UNC79: variants seen among roughly 807,000 people sequenced by gnomAD.
The protein encoded by UNC79 is protein unc-79 homolog.
In UNC79, 37 loss-of-function variants were observed where a neutral mutation model predicts 283.1. That is an observed-to-expected ratio of 0.13 (90% CI 0.10 to 0.17). The LOEUF (loss-of-function observed/expected upper bound fraction) is 0.17, where lower values mean the gene tolerates loss of function less well. UNC79 is among the 10% of genes least tolerant of loss of function. The pLI, the probability that UNC79 is intolerant of heterozygous loss-of-function variation, is 1.00. For missense variants in UNC79, 2,272 were observed against 3,211.1 expected (o/e 0.71, Z 7.07); for synonymous variants, 1,107 against 1,200.2 (o/e 0.92, Z 1.61).
At chr14:93,379,152 T>G (rs762230780) in intron 1 of UNC79, among the ~76,000 whole-genome samples, 1 of 152,176 alleles carries the variant, frequency 6.6e-6, no homozygotes, top group Non-Finnish European at 1.5e-5. Context: ...CTCACACCTG[T>G]ACTTGGGCTT....
intron 19 of UNC79, among the ~76,000 whole-genome samples, chr14:93,580,962 A>G (rs2141747125): frequency 6.6e-6 from 1 of 150,522 alleles, no homozygotes; most frequent in East Asian, 2.0e-4. Flanking sequence ...ACCCTCCTCA[A>G]CCTCCCAAAG....
At chr14:93,538,061 A>C in exon 12 of UNC79, 1 of 1,614,220 alleles carries the variant, frequency 6.2e-7, no homozygotes, top group Non-Finnish European at 8.5e-7. Flanking sequence ...TCACGGAAAC[A>C]GGCCTGTTCG....
At chr14:93,692,728 G>A (rs1359659989) in intron 46 of UNC79, among the ~76,000 whole-genome samples, 1 of 152,216 alleles carries the variant, frequency 6.6e-6, no homozygotes, top group Non-Finnish European at 1.5e-5. Context: ...ATTGGAAAAT[G>A]TCTGGGGTAT....
At chr14:93,460,506 C>CAAA (rs33915324) in intron 1 of UNC79, among the ~76,000 whole-genome samples, 2 of 103,280 alleles carry the variant, frequency 1.9e-5, no homozygotes, top group Non-Finnish European at 4.0e-5. Context: ...CAAGACTTCT[C>CAAA]AAAAAAAAAA....
chr14:93,464,594 G>A (rs750925323), intron 1 of UNC79: 2 of 456,222 alleles, frequency 4.4e-6, no homozygotes, highest in South Asian at 3.1e-5. Context: ...ATAACAGATG[G>A]CTTTTTAAAG....
rs546391105 is a variant in UNC79, at chr14:93,360,832, T to C, written c.-351+27309T>C. Among the ~76,000 whole-genome samples the C allele has an allele frequency of 3.9e-5, 6 of 152,170 alleles. No individual in the cohort carries two copies. The South Asian group carries it at 1.0e-3, about 26-fold the overall frequency. ...CAGGGAACTTCTACCTCAGTAAAAT[T>C]TTTAGGGGTCCAGTGGTGTGGGGCC... On this transcript the variant is annotated intron_variant, in intron 1 of 49. Transcript: ENST00000256339.
At chr14:93,538,358 A>G (rs2061186881) in intron 12 of UNC79, 140 bp downstream of exon 12, 2 of 863,802 alleles carry the variant, frequency 2.3e-6, no homozygotes, top group East Asian at 5.8e-5. Flanking sequence ...TGTTGTAATG[A>G]TGCTATTTTA....
At chr14:93,406,825 A>G (rs965216733) in intron 1 of UNC79, among the ~76,000 whole-genome samples, 1 of 152,180 alleles carries the variant, frequency 6.6e-6, no homozygotes, top group East Asian at 1.9e-4. Flanking sequence ...TGAACTGCAT[A>G]TATTAGTTTC....
intron 1 of UNC79, among the ~76,000 whole-genome samples, chr14:93,466,611 C>T (rs118171345): frequency 0.011 from 1,612 of 152,330 alleles, 38 homozygotes; most frequent in Admixed American, 0.025. Flanking sequence ...AGTTAGAATG[C>T]ATCCAGGAGC....
At chr14:93,515,262 ATATG>A (rs2060001867) in intron 7 of UNC79, among the ~76,000 whole-genome samples, 1 of 46,368 alleles carries the variant, frequency 2.2e-5, no homozygotes, top group African/African-American at 7.7e-5. Context: ...GTCCATATGT[ATATG>A]TGTGTGTGTG....
chr14:93,412,924 G>A (rs760554646), intron 1 of UNC79, among the ~76,000 whole-genome samples: 3 of 152,050 alleles, frequency 2.0e-5, no homozygotes, highest in Non-Finnish European at 4.4e-5. Context: ...GGATGTTAAT[G>A]AGCAAAAAGA....
chr14:93,359,923 C>T (rs1174858238), intron 1 of UNC79, among the ~76,000 whole-genome samples: 1 of 152,154 alleles, frequency 6.6e-6, no homozygotes, highest in Non-Finnish European at 1.5e-5. Flanking sequence ...TAACTGTGCA[C>T]TGGGGAAAGG....
chr14:93,588,785 A>G (rs139397872), intron 22 of UNC79, among the ~76,000 whole-genome samples: 1 of 151,392 alleles, frequency 6.6e-6, no homozygotes, highest in Non-Finnish European at 1.5e-5. Flanking sequence ...AAATCCGAAC[A>G]TATTTATGGT....
intron 20 of UNC79, among the ~76,000 whole-genome samples, chr14:93,585,152 T>C (rs953785880): frequency 3.9e-5 from 6 of 152,232 alleles, no homozygotes; most frequent in African/African-American, 1.4e-4. Flanking sequence ...TCTTGCAGGA[T>C]GCAGTTATAA....
intron 26 of UNC79, among the ~76,000 whole-genome samples, chr14:93,610,961 A>G (rs1327995349): frequency 6.6e-6 from 1 of 152,070 alleles, no homozygotes; most frequent in Non-Finnish European, 1.5e-5. Context: ...AACTTTTTCT[A>G]TTTTGCCTTA....
chr14:93,682,459 A>G (rs1173566107), intron 41 of UNC79, among the ~76,000 whole-genome samples, 158 bp from the exon 45 acceptor site: 1 of 152,200 alleles, frequency 6.6e-6, no homozygotes, highest in African/African-American at 2.4e-5. Context: ...TGAGTTTCTG[A>G]TAGGAATGAA....
At chr14:93,558,070 C>A (rs2062280057) in intron 14 of UNC79, among the ~76,000 whole-genome samples, 1 of 152,138 alleles carries the variant, frequency 6.6e-6, no homozygotes, top group Non-Finnish European at 1.5e-5. Flanking sequence ...GTTTCAGGGA[C>A]CCATAGCGAA....
chr14:93,405,887 C>T (rs572846431), intron 1 of UNC79, among the ~76,000 whole-genome samples: 1 of 152,162 alleles, frequency 6.6e-6, no homozygotes, highest in Non-Finnish European at 1.5e-5. Flanking sequence ...CACTACTTTC[C>T]CCAATATCAG....
At chr14:93,435,593 TA>T (rs1320486563) in intron 1 of UNC79, among the ~76,000 whole-genome samples, 3 of 152,198 alleles carry the variant, frequency 2.0e-5, no homozygotes, top group Admixed American at 6.5e-5. Flanking sequence ...AAGCATCTTA[TA>T]CATACCACCC....
Sources: allele counts gnomAD v4.1 joint callset (sites outside exome capture counted in the v4.1 genomes callset), GRCh38; gene constraint gnomAD v4.1.1; transcripts MANE v1.5; gene names NCBI Gene and HGNC (gene_info 2026-07-23, HGNC 2026-07-21).